The following MTA3 variants were observed in gnomAD, a reference collection of about 807,000 sequenced individuals.
MTA3 encodes metastasis associated 1 family member 3.
MTA3 carries 34 observed loss-of-function variants against 83.5 expected under a neutral mutation model. The observed-to-expected ratio is 0.41, with a 90% CI of 0.31 to 0.54. MTA3 has a LOEUF of 0.54. Among genes scored for constraint, MTA3 ranks in the 20% least tolerant of loss-of-function variants. The probability of loss-of-function intolerance (pLI) is 0.33; values close to 1 mark genes in which losing one functional copy is unlikely to be tolerated. For synonymous variants in MTA3, 303 were observed against 252.7 expected (o/e 1.20, Z -1.89); for missense variants, 761 against 726.4 (o/e 1.05, Z -0.55).
chr2:42,743,213 A>G (rs1669164083), intron 16 of MTA3, among the ~76,000 whole-genome samples: 1 of 152,230 alleles, frequency 6.6e-6, no homozygotes, highest in African/African-American at 2.4e-5. Context: ...GGTTCTTTCC[A>G]CAGTGACAAC....
At position 42,722,932 on chromosome 2, in the gene MTA3, A is replaced by C; in HGVS notation, c.1656A>C (p.Pro552=). The C allele has an allele frequency of 6.4e-7, 1 of 1,551,222 alleles. No homozygotes were observed. Among genetic ancestry groups the C allele is most frequent in the Admixed American group, 2.0e-5 (1 of 51,008 alleles). ...AACCTAATGTAATTCGATCTACACC[A>C]AGCCTGCAAACCCCAACTACCAAGC... ...AKKPNVIRST[P]SLQTPTTKRM... The change falls in exon 16 of 17, where the codon CCA becomes CCC. Residue 552 remains proline, a synonymous_variant. Coordinates refer to ENST00000405094, the MANE Select transcript of MTA3 (RefSeq NM_001330442.2).
intron 2 of MTA3, among the ~76,000 whole-genome samples, chr2:42,548,460 C>A (rs951679518): frequency 1.3e-5 from 2 of 151,330 alleles, no homozygotes; most frequent in Non-Finnish European, 2.9e-5. Flanking sequence ...AGCAAGACTC[C>A]GTCTCAAAAT....
intron 16 of MTA3, among the ~76,000 whole-genome samples, chr2:42,741,022 C>T (rs763731651): frequency 7.2e-5 from 11 of 152,246 alleles, no homozygotes; most frequent in Non-Finnish European, 1.3e-4. Flanking sequence ...TGTTGTTTAG[C>T]GTAGCTGCCT....
intron 4 of MTA3, among the ~76,000 whole-genome samples, chr2:42,621,484 A>G (rs534078575): frequency 7.2e-5 from 11 of 152,368 alleles, no homozygotes; most frequent in Admixed American, 2.0e-4. Context: ...AAGGCAGAAC[A>G]ATTCTTCTTA....
chr2:42,639,361 A>G (rs182822757), intron 4 of MTA3, among the ~76,000 whole-genome samples: 2 of 152,172 alleles, frequency 1.3e-5, no homozygotes, highest in East Asian at 3.8e-4. Context: ...AGCCCTGACC[A>G]GTATTTGTAA....
intron 8 of MTA3, among the ~76,000 whole-genome samples, chr2:42,681,752 C>G (rs188546574): frequency 5.3e-5 from 8 of 151,990 alleles, no homozygotes; most frequent in Admixed American, 2.6e-4. Context: ...CTCAAGTGTT[C>G]CTCCCACCTT....
rs530494125 is a variant in MTA3, at chr2:42,718,910, C to T, written c.1526-78C>T. ...ATTTTGTACTGTTTTCCACTTGTAC[C>T]TTTATTTCTGTGGTGCATGTAGTCT... On this transcript the variant is annotated intron_variant, in intron 14 of 16. Transcript: ENST00000405094. 3.7e-6 allele frequency: 4 copies of T among 1,092,556 alleles called. No homozygotes were observed. The East Asian group carries it at 1.0e-4, about 28-fold the overall frequency. The allele number at this position is 1,092,556 out of a possible 1,614,324, so 67.7% of individuals were successfully genotyped here.
chr2:42,705,667 T>C (rs1051872948), intron 12 of MTA3, among the ~76,000 whole-genome samples: 3 of 151,890 alleles, frequency 2.0e-5, no homozygotes, highest in Non-Finnish European at 4.4e-5. Flanking sequence ...GATTGCACCA[T>C]TGCACTCCAA....
chr2:42,756,619 G>A lies in MTA3; in HGVS notation c.*3220G>A, dbSNP rs1195415547. The A allele has an allele frequency of 6.3e-5, 62 of 985,444 alleles. No individual in the cohort carries two copies. Among genetic ancestry groups the A allele is most frequent in the Non-Finnish European group, 7.5e-5 (62 of 830,018 alleles). The allele number at this position is 985,444 out of a possible 1,614,324, so 61.0% of individuals were successfully genotyped here. A position where few individuals can be genotyped will look rare whatever the true frequency, so the allele number is the denominator to read the frequency against. ...GTTTTACTCTGCCTAGAGAGGAAAC[G>A]GCTTTGGGGAGGGAGGGGGAAGCCT... On this transcript the variant is annotated 3_prime_UTR_variant, in exon 17 of 17. Coordinates refer to ENST00000405094, the MANE Select transcript of MTA3 (RefSeq NM_001330442.2).
intron 7 of MTA3, 50 bp downstream of exon 7, chr2:42,656,352 G>T (rs1348776414): frequency 1.2e-5 from 14 of 1,121,072 alleles, no homozygotes; most frequent in East Asian, 2.6e-5. Flanking sequence ...TTATATAAAA[G>T]AATTTATAGG....
chr2:42,557,786 G>A (rs370635350), intron 2 of MTA3, among the ~76,000 whole-genome samples: 1 of 152,146 alleles, frequency 6.6e-6, no homozygotes, highest in African/African-American at 2.4e-5. Flanking sequence ...AGAAAGGGCA[G>A]TAGCTACAAA....
chr2:42,749,111 T>C (rs542343838), intron 16 of MTA3, among the ~76,000 whole-genome samples: 2 of 152,328 alleles, frequency 1.3e-5, no homozygotes, highest in East Asian at 3.9e-4. Flanking sequence ...ACCCTGTACT[T>C]GCATAGTTCA....
intron 14 of MTA3, chr2:42,709,604 A>T (rs1174656476): frequency 6.5e-6 from 1 of 152,770 alleles, no homozygotes; most frequent in African/African-American, 2.4e-5. Context: ...TACAATTGTC[A>T]TACAACATTA....
At chr2:42,542,374 G>A (rs1676559135) in intron 2 of MTA3, among the ~76,000 whole-genome samples, 2 of 152,102 alleles carry the variant, frequency 1.3e-5, no homozygotes, top group South Asian at 2.1e-4. Flanking sequence ...CATATGTGAA[G>A]AAAAGACTGG....
chr2:42,538,306 TGGCCAATC>T (rs1676348193), intron 2 of MTA3, among the ~76,000 whole-genome samples: 1 of 149,366 alleles, frequency 6.7e-6, no homozygotes, highest in African/African-American at 2.5e-5. Flanking sequence ...ATGAGCATAT[TGGCCAATC>T]GGTAAGTATG....
In MTA3 at chr2:42,646,292, G is replaced by C. The variant is rs183062387; in HGVS notation, c.499+2048G>C. 4.5e-3 allele frequency among the ~76,000 whole-genome samples: 689 copies of C among 152,336 alleles called. 16 individuals are homozygous for C. Among genetic ancestry groups the C allele is most frequent in the Admixed American group, 0.041 (627 of 15,286 alleles). On this transcript the variant is annotated intron_variant, in intron 6 of 16. Coordinates refer to ENST00000405094, the MANE Select transcript of MTA3 (RefSeq NM_001330442.2). Reference sequence around the variant, plus strand: ...GGTGAATGTTGTTTGCATGACTGCTGAGACAACATCCATTCTGGAGTCTAT... The same window carrying C: ...GGTGAATGTTGTTTGCATGACTGCTCAGACAACATCCATTCTGGAGTCTAT...
chr2:42,659,524 G>A (rs769284189), intron 7 of MTA3: 9 of 205,180 alleles, frequency 4.4e-5, no homozygotes, highest in Non-Finnish European at 8.7e-5. Flanking sequence ...CCCTGCACAG[G>A]CTATTTTTTT....
intron 6 of MTA3, among the ~76,000 whole-genome samples, chr2:42,646,490 G>C (rs1688199187): frequency 1.3e-5 from 2 of 152,208 alleles, no homozygotes; most frequent in African/African-American, 2.4e-5. Context: ...ATTGATAGGA[G>C]GAGGTCAAAA....
At chr2:42,516,295 G>C (rs1446198223) in intron 2 of MTA3, among the ~76,000 whole-genome samples, 1 of 152,172 alleles carries the variant, frequency 6.6e-6, no homozygotes, top group Non-Finnish European at 1.5e-5. Flanking sequence ...ACCGCACTTG[G>C]ATTTTAGGTT....
Sources: gnomAD v4.1 joint callset for allele counts (sites outside exome capture counted in the v4.1 genomes callset) on GRCh38, gnomAD v4.1.1 for gene constraint, MANE v1.5 for transcripts, NCBI Gene and HGNC (gene_info 2026-07-23, HGNC 2026-07-21) for gene names.